The following DQX1 variants were observed in gnomAD, a reference collection of about 807,000 sequenced individuals.
The protein encoded by DQX1 is ATP-dependent RNA helicase homolog DQX1.
In DQX1, 66 loss-of-function variants were observed where a neutral mutation model predicts 81.3. That is an observed-to-expected ratio of 0.81 (90% CI 0.67 to 1.00). DQX1 has a LOEUF of 1.00. Ranked by LOEUF, DQX1 falls within the 50% of genes least tolerant of loss-of-function variation. The pLI, the probability that DQX1 is intolerant of heterozygous loss-of-function variation, is 0.00. For missense variants in DQX1, 798 were observed against 867.9 expected (o/e 0.92, Z 1.01); for synonymous variants, 290 against 350.0 (o/e 0.83, Z 1.91).
At chr2:74,518,953 C>T (rs6709863) in intron 11 of DQX1, 87 bp downstream of exon 11, 229,577 of 1,309,578 alleles carry the variant, frequency 0.18, 31,147 homozygotes, top group East Asian at 0.83. Flanking sequence ...CACTAAGATC[C>T]CTTCCTCTGT....
intron 8 of DQX1, among the ~76,000 whole-genome samples, chr2:74,521,420 T>C (rs768191912): frequency 2.0e-5 from 3 of 151,742 alleles, no homozygotes; most frequent in African/African-American, 4.8e-5. Context: ...GAGGCTGAGG[T>C]GGATGGATCA....
Position 74,519,214 on chromosome 2 carries a change from T to C in DQX1, c.1823A>G (p.Asp608Gly). The C allele has an allele frequency of 6.4e-7, 1 of 1,569,572 alleles. No individual in the cohort carries two copies. Among genetic ancestry groups the C allele is most frequent in the Non-Finnish European group, 8.6e-7 (1 of 1,157,384 alleles). Residue 608 changes from aspartate (D) to glycine (G), a missense_variant, in exon 11 of 12, where the codon GAC becomes GGC. Coordinates refer to ENST00000404568, the MANE Select transcript of DQX1 (RefSeq NM_133637.3). ...TAGGAGAAGGTAATTTCCAGTCCCGTCTGTGTCTCTGGCCACCTTATTGAA... is the reference window on the plus strand; with the variant it reads ...TAGGAGAAGGTAATTTCCAGTCCCGCCTGTGTCTCTGGCCACCTTATTGAA... ...GYFLKVARDT[D>G]GTGNYLLLTH...
At chr2:74,522,404 A>G (rs1016921387) in intron 8 of DQX1, among the ~76,000 whole-genome samples, 176 bp downstream of exon 8, 1 of 152,218 alleles carries the variant, frequency 6.6e-6, no homozygotes, top group Non-Finnish European at 1.5e-5. Context: ...AAGAACCAGC[A>G]GAGAAAAAAG....
intron 11 of DQX1, 138 bp from the exon 12 acceptor site, chr2:74,518,740 G>A (rs1345176930): frequency 5.8e-6 from 5 of 858,534 alleles, no homozygotes; most frequent in South Asian, 1.7e-5. Flanking sequence ...TTAGACTCCC[G>A]TAATCCTTAG....
intron 8 of DQX1, 107 bp downstream of exon 8, chr2:74,522,473 G>T: frequency 1.5e-6 from 2 of 1,353,774 alleles, no homozygotes; most frequent in Non-Finnish European, 2.0e-6. Context: ...ATTGTGAGGG[G>T]TGGCAACTGG....
chr2:74,522,988 A>G lies in DQX1; in HGVS notation c.1171T>C (p.Ser391Pro), dbSNP rs868387733. 2 of 1,614,028 alleles carry G rather than the reference A, an allele frequency of 1.2e-6. No homozygotes were observed. The highest frequency in any genetic ancestry group is 2.7e-5 in the African/African-American group (2 of 74,898). ...PGSCLCLYPK[S>P]FLELEAPPLP... ...GGTGGAGCTTCTAGTTCTAAGAAGG[A>G]CTTAGGATACAGGCAGAGGCAGGAT... The change falls in exon 7 of 12, where the codon TCC becomes CCC. Residue 391 changes from serine to proline, a missense_variant. Ser to Pro is a moderately conservative substitution (Grantham distance 74). Coordinates refer to ENST00000404568, the MANE Select transcript of DQX1 (RefSeq NM_133637.3).
At position 74,522,652 on chromosome 2, in the gene DQX1, C is replaced by T. The variant is rs147187972; in HGVS notation, c.1423G>A (p.Ala475Thr). The T allele has an allele frequency of 6.2e-6, 10 of 1,614,098 alleles. No homozygotes were observed. In the African/African-American group the frequency reaches 1.1e-4, roughly 17 times the overall value. Residue 475 changes from alanine (A) to threonine (T), a missense_variant, in exon 8 of 12, where the codon GCC becomes ACC. Physicochemically the swap from Ala to Thr is moderately conservative, Grantham distance 58. Transcript: ENST00000404568. ...TCGCATGAGGCCAGCAGGGCTTTGG[C>T]CAGCTCAGGGGCCAGAGGGAATTCT... ...LSEFPLAPEL[A>T]KALLASCEFD...
intron 4 of DQX1, 190 bp downstream of exon 4, chr2:74,523,733 G>A (rs1306168070): frequency 9.6e-7 from 1 of 1,039,880 alleles, no homozygotes; most frequent in East Asian, 2.6e-5. Flanking sequence ...AAAGTGAGTG[G>A]TAAACCTCTT....
In DQX1 at chr2:74,525,246, G is replaced by A. The variant is rs2104343902; in HGVS notation, c.238-44C>T. The A allele has an allele frequency of 5.4e-6, 8 of 1,477,102 alleles. No individual in the cohort carries two copies. Among genetic ancestry groups the A allele is most frequent in the East Asian group, 2.5e-5 (1 of 40,304 alleles). The allele number at this position is 1,477,102 out of a possible 1,614,324, so 91.5% of individuals were successfully genotyped here. ...AGGAGAGCCAGTGAGGAAGATGTAG[G>A]ACTTCAGTCAGAAGTGCTCAGGGAA... On this transcript the variant is annotated intron_variant, in intron 2 of 11. Transcript: ENST00000404568. This position sits in a 1 kb window ranked among gnomAD's most constrained non-coding sequence, Gnocchi z 4.1.
intron 4 of DQX1, 129 bp downstream of exon 4, chr2:74,523,794 C>T: frequency 1.5e-6 from 2 of 1,352,430 alleles, no homozygotes; most frequent in Non-Finnish European, 2.0e-6. Flanking sequence ...AGAGTAAATA[C>T]TGCAACTCTA....
rs763710014 is a variant in DQX1 at position 74,518,480 on chromosome 2, G to C, written c.2120C>G (p.Ala707Gly). Residue 707 changes from alanine (A) to glycine (G), a missense_variant, in exon 12 of 12, where the codon GCC becomes GGC. By Grantham distance (60) the Ala-to-Gly change is moderately conservative (BLOSUM62 0). Coordinates refer to ENST00000404568, the MANE Select transcript of DQX1 (RefSeq NM_133637.3). ...DSTAGSKSSSAQEFRDPCVLQ is the reference protein window; with the variant it reads ...DSTAGSKSSSGQEFRDPCVLQ ...GACACAGGGATCTCTGAACTCCTGG[G>C]CTGAGGATGATTTGCTCCCTGCTGT... is the stretch of plus-strand genomic sequence containing the variant. 30 of 1,614,114 alleles carry C rather than the reference G, an allele frequency of 1.9e-5. No homozygotes were observed. The highest frequency in any genetic ancestry group is 3.3e-5 in the Admixed American group (2 of 60,010).
intron 3 of DQX1, among the ~76,000 whole-genome samples, 193 bp from the exon 4 acceptor site, chr2:74,524,500 C>T (rs1219943807): frequency 1.3e-5 from 2 of 152,192 alleles, no homozygotes; most frequent in Non-Finnish European, 2.9e-5. Context: ...ACAAGGTATA[C>T]GCCAGCTGGG....
rs140986522 is a variant in DQX1, at chr2:74,524,193, G to A, written c.546C>T (p.Leu182=). ...AQERSVASDS[L]QGLLQDARLE... ...GCCTGGCATCTTGCAGTAGCCCCTGGAGTGAATCTGATGCCACCGACCGCT... is the reference window on the plus strand; with the variant it reads ...GCCTGGCATCTTGCAGTAGCCCCTGAAGTGAATCTGATGCCACCGACCGCT... The change falls in exon 4 of 12, where the codon CTC becomes CTT. Residue 182 remains leucine (L), a synonymous_variant. Coordinates refer to ENST00000404568, the MANE Select transcript of DQX1 (RefSeq NM_133637.3). 3.7e-6 allele frequency: 6 copies of A among 1,613,994 alleles called. No homozygotes were observed. In the African/African-American group the frequency reaches 8.0e-5, roughly 22 times the overall value.
At chr2:74,523,852 G>A (rs1218571751) in intron 4 of DQX1, 71 bp downstream of exon 4, 1 of 1,459,280 alleles carries the variant, frequency 6.9e-7, no homozygotes, top group Non-Finnish European at 9.1e-7. Flanking sequence ...AGGACTGGAA[G>A]ATGATGATGA....
At chr2:74,524,870 G>A in intron 3 of DQX1, 139 bp downstream of exon 3, 2 of 1,142,096 alleles carry the variant, frequency 1.8e-6, no homozygotes, top group Non-Finnish European at 2.5e-6. Flanking sequence ...GTGACAGAGT[G>A]AGACCCTTTC....
intron 11 of DQX1, 125 bp downstream of exon 11, chr2:74,518,915 T>C: frequency 1.9e-6 from 2 of 1,052,582 alleles, no homozygotes; most frequent in South Asian, 1.8e-5. Context: ...CCACAAATCC[T>C]GTCTCCTCAG....
At position 74,522,757 on chromosome 2, in the gene DQX1, TC is replaced by T; in HGVS notation, c.1317del (p.Met440CysfsTer7). 6.2e-7 allele frequency: 1 copy of T among 1,614,200 alleles called. No homozygotes were observed. The highest frequency in any genetic ancestry group is 8.5e-7 in the Non-Finnish European group (1 of 1,180,030). ...HFLDQPAPEALMQALEDLDYL... is the reference protein window; with the variant it reads ...HFLDQPAPEAXMQALEDLDYL... ...TAGTCTAAATCTTCCAGGGCTTGCA[TC>T]AGTGCTTCTGGAGCTGGTGAGGAAA... On this transcript the variant is annotated frameshift_variant, in exon 8 of 12. Coordinates refer to ENST00000404568, the MANE Select transcript of DQX1 (RefSeq NM_133637.3). LOFTEE classifies it high-confidence loss of function.
At chr2:74,518,739 C>G in intron 11 of DQX1, 137 bp from the exon 12 acceptor site, 1 of 865,698 alleles carries the variant, frequency 1.2e-6, no homozygotes, top group South Asian at 1.7e-5. Flanking sequence ...CTTAGACTCC[C>G]GTAATCCTTA....
At chr2:74,526,047 AC>A in intron 1 of DQX1, 88 bp downstream of exon 1, 2 of 321,928 alleles carry the variant, frequency 6.2e-6, no homozygotes, top group Non-Finnish European at 1.2e-5. Flanking sequence ...AGACCTAGTA[AC>A]CTGTGGGAAA....
Sources: allele counts gnomAD v4.1 joint callset (sites outside exome capture counted in the v4.1 genomes callset), GRCh38; gene constraint gnomAD v4.1.1; non-coding constraint Gnocchi (gnomAD v3.1); transcripts MANE v1.5; gene names NCBI Gene and HGNC (gene_info 2026-07-23, HGNC 2026-07-21).